HEATR4: variants seen among roughly 807,000 people sequenced by gnomAD.
HEATR4 encodes HEAT repeat containing 4.
HEATR4 carries 95 observed loss-of-function variants against 108.8 expected under a neutral mutation model. That is an observed-to-expected ratio of 0.87 (90% CI 0.74 to 1.04). HEATR4 has a LOEUF of 1.04. HEATR4 is among the 50% of genes least tolerant of loss of function. The probability of loss-of-function intolerance (pLI) is 0.00; values close to 1 mark genes in which losing one functional copy is unlikely to be tolerated. For synonymous variants in HEATR4, 443 were observed against 459.4 expected, an observed-to-expected ratio of 0.96 and a Z score of 0.46; for missense variants, 1,152 against 1,253.8, an observed-to-expected ratio of 0.92 and a Z score of 1.23.
the HEATR4 span, among the ~76,000 whole-genome samples, chr14:73,625,987 C>T: frequency 6.6e-6 from 1 of 152,220 alleles, no homozygotes; most frequent in Non-Finnish European, 1.5e-5. Context: ...AGGCTGAAAG[C>T]CAGGCCTCTT....
At chr14:73,569,574 G>A in the HEATR4 span, 4 of 1,598,936 alleles carry the variant, frequency 2.5e-6, no homozygotes, top group East Asian at 9.0e-5. Flanking sequence ...CCAGGCCCAC[G>A]CGCGCTACCG....
intron 2 of HEATR4, among the ~76,000 whole-genome samples, chr14:73,523,885 T>C (rs1028237044): frequency 9.2e-5 from 14 of 152,340 alleles, no homozygotes; most frequent in Non-Finnish European, 1.6e-4. Flanking sequence ...CCTCGCATTG[T>C]TAAATATTTG....
the HEATR4 span, among the ~76,000 whole-genome samples, chr14:73,624,290 TC>T: frequency 6.6e-6 from 1 of 151,822 alleles, no homozygotes; most frequent in African/African-American, 2.4e-5. Flanking sequence ...ACCCAGCTAA[TC>T]TTTTTGTATT....
At chr14:73,597,511 A>G in the HEATR4 span, among the ~76,000 whole-genome samples, 1 of 151,582 alleles carries the variant, frequency 6.6e-6, no homozygotes, top group South Asian at 2.1e-4. Flanking sequence ...CAGCCTCCCA[A>G]GTAGCTCAGA....
At chr14:73,614,192 C>T in the HEATR4 span, among the ~76,000 whole-genome samples, 13 of 151,730 alleles carry the variant, frequency 8.6e-5, no homozygotes, top group African/African-American at 3.1e-4. Context: ...CAGAGTGAAA[C>T]CCTGCCTCAA....
At chr14:73,612,903 G>T in the HEATR4 span, 5 of 1,369,738 alleles carry the variant, frequency 3.7e-6, no homozygotes, top group Non-Finnish European at 4.9e-6. Context: ...GTGCTGGACG[G>T]CCACGACACC....
At chr14:73,516,147 C>CA (rs149945107) in intron 5 of HEATR4, among the ~76,000 whole-genome samples, 421 of 9,134 alleles carry the variant, frequency 0.046, 86 homozygotes, top group African/African-American at 0.094. Flanking sequence ...CAACAGTCAT[C>CA]AAAAAAAAAA....
chr14:73,553,245 A>G (rs1164866187), intron 1 of HEATR4, among the ~76,000 whole-genome samples: 1 of 114,198 alleles, frequency 8.8e-6, no homozygotes, highest in African/African-American at 2.8e-5. Context: ...GGTGGCTCAC[A>G]CCTGTAATCC....
At chr14:73,612,663 C>T in the HEATR4 span, 1 of 1,412,894 alleles carries the variant, frequency 7.1e-7, no homozygotes, top group South Asian at 1.5e-5. Context: ...CCGGAGCAGC[C>T]AGTCACGCTG....
At chr14:73,509,086 A>G (rs888951139) in intron 8 of HEATR4, among the ~76,000 whole-genome samples, 1 of 152,116 alleles carries the variant, frequency 6.6e-6, no homozygotes, top group African/African-American at 2.4e-5. Flanking sequence ...AGGCTGGTTT[A>G]GAACTCCTAT....
chr14:73,531,112 TTCAG>T (rs1888683727), intron 1 of HEATR4: 1 of 111,658 alleles, frequency 9.0e-6, no homozygotes, highest in Non-Finnish European at 1.9e-5. Context: ...TCCAGCACCT[TTCAG>T]ATACTGGCAA....
In HEATR4 at chr14:73,492,572, A is replaced by G. The variant is rs1304223106; in HGVS notation, c.2844+494T>C. 1 of 1,613,830 alleles carries G rather than the reference A, an allele frequency of 6.2e-7. No homozygotes were observed. The highest frequency in any genetic ancestry group is 8.5e-7 in the Non-Finnish European group (1 of 1,179,850). On this transcript the variant is annotated intron_variant, in intron 17 of 17. Transcript: ENST00000553558. The surrounding 1 kb of genome is among the most constrained non-coding windows in gnomAD (Gnocchi z 4.9). ...GCCCCCTGTTTTGACTGATAGGGAG[A>G]GGGCACTAAGTGTTTACGGGCTTCC... is the stretch of plus-strand genomic sequence containing the variant.
intron 16 of HEATR4, chr14:73,493,428 G>A (rs1369045910): frequency 3.3e-6 from 1 of 299,570 alleles, no homozygotes; most frequent in Non-Finnish European, 6.6e-6. Flanking sequence ...TATGTGGGAT[G>A]GTTCGAAGAA....
the HEATR4 span, among the ~76,000 whole-genome samples, chr14:73,621,761 CTTTT>C: frequency 5.5e-5 from 6 of 109,514 alleles, no homozygotes; most frequent in South Asian, 3.0e-4. Flanking sequence ...TTCTTTCTTT[CTTTT>C]TTTTTTTTTT....
chr14:73,557,779 T>C (rs1889422187), intron 1 of HEATR4, among the ~76,000 whole-genome samples: 1 of 76,106 alleles, frequency 1.3e-5, no homozygotes, highest in Non-Finnish European at 3.0e-5. Flanking sequence ...CAGCCTTGCC[T>C]CCCAGGCTCA....
the HEATR4 span, chr14:73,569,481 G>A: frequency 6.2e-7 from 1 of 1,612,806 alleles, no homozygotes; most frequent in Non-Finnish European, 8.5e-7. Flanking sequence ...GGACGAACCG[G>A]TGCGAATCGC....
intron 2 of HEATR4, among the ~76,000 whole-genome samples, chr14:73,528,392 C>CAAAAAAAAAAAA (rs371875141): frequency 2.3e-5 from 2 of 88,492 alleles, no homozygotes; most frequent in African/African-American, 4.8e-5. Flanking sequence ...AACTTCATCT[C>CAAAAAAAAAAAA]AAAAAAAAAA....
At chr14:73,591,299 G>A in the HEATR4 span, among the ~76,000 whole-genome samples, 1 of 152,042 alleles carries the variant, frequency 6.6e-6, no homozygotes, top group Non-Finnish European at 1.5e-5. Flanking sequence ...GTAATCCCTA[G>A]CACTTTGGGA....
intron 2 of HEATR4, among the ~76,000 whole-genome samples, chr14:73,528,271 C>G (rs1023851152): frequency 1.0e-4 from 15 of 150,724 alleles, no homozygotes; most frequent in Non-Finnish European, 1.9e-4. Context: ...GGTGGGCATC[C>G]GTAATCCCAG....
Sources: allele counts gnomAD v4.1 joint callset (sites outside exome capture counted in the v4.1 genomes callset), GRCh38; gene constraint gnomAD v4.1.1; non-coding constraint Gnocchi (gnomAD v3.1); transcripts MANE v1.5; gene names NCBI Gene and HGNC (gene_info 2026-07-23, HGNC 2026-07-21).